NCOA7: variants seen among roughly 807,000 people sequenced by gnomAD.
NCOA7 encodes 140 kDa estrogen receptor-associated protein.
In NCOA7, 45 loss-of-function variants were observed where a neutral mutation model predicts 104.3. The observed-to-expected ratio is 0.43, with a 90% CI of 0.34 to 0.55. The LOEUF (loss-of-function observed/expected upper bound fraction) is 0.55. Among genes scored for constraint, NCOA7 ranks in the 20% least tolerant of loss-of-function variants. The pLI is 0.02. For synonymous variants in NCOA7, 398 were observed against 402.3 expected, an observed-to-expected ratio of 0.99 and a Z score of 0.13; for missense variants, 1,041 against 1,119.7, an observed-to-expected ratio of 0.93 and a Z score of 1.00.
intron 2 of NCOA7, among the ~76,000 whole-genome samples, chr6:125,841,340 A>C (rs1371974495): frequency 6.6e-6 from 1 of 152,090 alleles, no homozygotes; most frequent in Non-Finnish European, 1.5e-5. Flanking sequence ...AGGCTATTCT[A>C]TGTGGGTTTG....
intron 1 of NCOA7, among the ~76,000 whole-genome samples, chr6:125,799,879 C>A (rs752769711): frequency 1.3e-5 from 2 of 152,170 alleles, no homozygotes; most frequent in Non-Finnish European, 2.9e-5. Context: ...TTAGAGATAA[C>A]GTATGAGTGT....
chr6:125,792,559 A>T (rs1361083836), intron 1 of NCOA7, among the ~76,000 whole-genome samples: 1 of 152,192 alleles, frequency 6.6e-6, no homozygotes, highest in Non-Finnish European at 1.5e-5. Flanking sequence ...GGTTTGATCT[A>T]ATTATCATGT....
chr6:125,851,767 CTT>C (rs1583375722), intron 2 of NCOA7, among the ~76,000 whole-genome samples: 1 of 152,146 alleles, frequency 6.6e-6, no homozygotes, highest in African/African-American at 2.4e-5. Context: ...TGTTTTTTGA[CTT>C]TTTAATAACA....
chr6:125,807,455 G>A (rs1198562898), intron 1 of NCOA7, among the ~76,000 whole-genome samples: 1 of 152,064 alleles, frequency 6.6e-6, no homozygotes, highest in Non-Finnish European at 1.5e-5. Flanking sequence ...GGGGGAGGAA[G>A]GTGCACAGTG....
At chr6:125,857,106 A>G (rs1281029043) in intron 3 of NCOA7, among the ~76,000 whole-genome samples, 1 of 152,208 alleles carries the variant, frequency 6.6e-6, no homozygotes, top group East Asian at 1.9e-4. Flanking sequence ...TCAGTATTTT[A>G]TAAAAAGCTA....
chr6:125,798,689 A>T (rs780605452), intron 1 of NCOA7, among the ~76,000 whole-genome samples: 6 of 152,242 alleles, frequency 3.9e-5, no homozygotes, highest in African/African-American at 1.4e-4. Context: ...TTTGCATAGA[A>T]AACAGGAAAG....
At chr6:125,808,869 T>A (rs1776701735) in intron 1 of NCOA7, among the ~76,000 whole-genome samples, 1 of 152,234 alleles carries the variant, frequency 6.6e-6, no homozygotes, top group South Asian at 2.1e-4. Flanking sequence ...TTTGATGGCA[T>A]CTCTTGACTC....
chr6:125,921,891 T>A (rs933849280), intron 12 of NCOA7, among the ~76,000 whole-genome samples: 1 of 152,222 alleles, frequency 6.6e-6, no homozygotes. Context: ...AATGCACTTA[T>A]GTTTGAACTG....
intron 2 of NCOA7, among the ~76,000 whole-genome samples, chr6:125,840,710 G>A (rs191846869): frequency 1.5e-4 from 22 of 150,242 alleles, no homozygotes; most frequent in Admixed American, 1.4e-3. Context: ...GTAGAGACAG[G>A]GTCTTTCTAG....
At chr6:125,873,952 A>G (rs905291611) in intron 3 of NCOA7, among the ~76,000 whole-genome samples, 3 of 152,178 alleles carry the variant, frequency 2.0e-5, no homozygotes, top group African/African-American at 4.8e-5. Flanking sequence ...CTGAATTAAT[A>G]TATTGAGATG....
chr6:125,784,765 T>C (rs550932924), intron 1 of NCOA7, among the ~76,000 whole-genome samples: 6 of 152,300 alleles, frequency 3.9e-5, no homozygotes, highest in African/African-American at 1.4e-4. Context: ...GGAATTATAC[T>C]GAATGAGGAA....
intron 2 of NCOA7, among the ~76,000 whole-genome samples, chr6:125,817,079 A>G (rs574104615): frequency 2.0e-5 from 3 of 152,310 alleles, no homozygotes; most frequent in South Asian, 2.1e-4. Flanking sequence ...AAGCTGTTGC[A>G]TGTATCGATA....
intron 2 of NCOA7, among the ~76,000 whole-genome samples, chr6:125,817,998 C>T (rs1172795594): frequency 6.6e-6 from 1 of 151,860 alleles, no homozygotes; most frequent in African/African-American, 2.4e-5. Flanking sequence ...TTCCTCACCT[C>T]CTCCCTTTCT....
chr6:125,930,370 A>G lies in NCOA7; in HGVS notation c.*1599A>G, dbSNP rs1239320442. ...ACTCTGTCTTAAAAATAATAACAAT[A>G]ATAATAATAATAAAGACTTACTTAA... is the stretch of plus-strand genomic sequence containing the variant. On this transcript the variant is annotated 3_prime_UTR_variant, in exon 16 of 16. Transcript: ENST00000392477. 2 of 152,462 alleles carry G rather than the reference A, an allele frequency of 1.3e-5. No individual in the cohort carries two copies. The highest frequency in any genetic ancestry group is 2.9e-5 in the Non-Finnish European group (2 of 68,000). 9.4% of individuals were successfully genotyped at this position (152,462 alleles called of 1,614,324 possible). A position where few individuals can be genotyped will look rare whatever the true frequency, so the allele number is the denominator to read the frequency against.
intron 2 of NCOA7, among the ~76,000 whole-genome samples, chr6:125,830,166 A>G (rs909981825): frequency 6.6e-6 from 1 of 152,172 alleles, no homozygotes; most frequent in Non-Finnish European, 1.5e-5. Context: ...AGCTTATTCT[A>G]TTTATTCCTT....
intron 11 of NCOA7, 25 bp downstream of exon 11, chr6:125,915,505 C>T (rs375605915): frequency 2.0e-5 from 33 of 1,612,724 alleles, no homozygotes; most frequent in Admixed American, 1.8e-4. Context: ...AGGGTTAGAC[C>T]GTCGTAGTTC....
At chr6:125,912,538 C>T (rs917905032) in intron 10 of NCOA7, among the ~76,000 whole-genome samples, 1 of 152,104 alleles carries the variant, frequency 6.6e-6, no homozygotes, top group Non-Finnish European at 1.5e-5. Context: ...AGGCCCTGAG[C>T]TCTGGGGGCC....
intron 10 of NCOA7, among the ~76,000 whole-genome samples, chr6:125,896,982 GTTAAA>G (rs780775443): frequency 7.2e-5 from 11 of 152,168 alleles, no homozygotes; most frequent in South Asian, 4.1e-4. Context: ...TTATGTATAA[GTTAAA>G]TTGATTCTGT....
intron 1 of NCOA7, among the ~76,000 whole-genome samples, chr6:125,782,091 C>T (rs1475141527): frequency 1.3e-5 from 2 of 152,040 alleles, no homozygotes; most frequent in Non-Finnish European, 2.9e-5. Flanking sequence ...TGTAAAATAT[C>T]GTGTTAATAC....
Sources: allele counts gnomAD v4.1 joint callset (sites outside exome capture counted in the v4.1 genomes callset), GRCh38; gene constraint gnomAD v4.1.1; transcripts MANE v1.5; gene names NCBI Gene and HGNC (gene_info 2026-07-23, HGNC 2026-07-21).